NUDT21: variants seen among roughly 807,000 people sequenced by gnomAD.
NUDT21 encodes the protein nudix hydrolase 21.
Under a neutral mutation model 29.8 loss-of-function variants are expected in NUDT21, and 5 were observed. The ratio of observed to expected loss-of-function variants is 0.17; its 90% CI spans 0.09 to 0.35. The LOEUF (loss-of-function observed/expected upper bound fraction) is 0.35. NUDT21 is among the 10% of genes least tolerant of loss of function. The pLI, the probability that NUDT21 is intolerant of heterozygous loss-of-function variation, is 1.00. For synonymous variants in NUDT21, 113 were observed against 98.5 expected (o/e 1.15, Z -0.87); for missense variants, 76 against 276.0 (o/e 0.28, Z 5.13).
intron 3 of NUDT21, among the ~76,000 whole-genome samples, chr16:56,444,294 A>G (rs1256481115): frequency 6.6e-6 from 1 of 151,994 alleles, no homozygotes; most frequent in African/African-American, 2.4e-5. Context: ...TAAAAAAAAT[A>G]AGTAAGCCTA....
chr16:56,444,620 C>CAAAAAAAAAAAAAAAAAAAAAA (rs376261802), intron 3 of NUDT21, among the ~76,000 whole-genome samples: 1 of 111,030 alleles, frequency 9.0e-6, no homozygotes. Flanking sequence ...AAAACAAAAA[C>CAAAAAAAAAAAAAAAAAAAAAA]AAAAAAAAAA....
intron 1 of NUDT21, among the ~76,000 whole-genome samples, chr16:56,448,252 G>A (rs1343223630): frequency 1.3e-5 from 2 of 152,130 alleles, no homozygotes; most frequent in African/African-American, 4.8e-5. Flanking sequence ...TAAATGCTTA[G>A]AGAAATGGTT....
rs1211058520 is a variant in NUDT21, at chr16:56,451,302, G to A, written c.-100C>T. On this transcript the variant is annotated 5_prime_UTR_variant, in exon 1 of 7. Coordinates refer to ENST00000300291, the MANE Select transcript of NUDT21 (RefSeq NM_007006.3). ...ATCTGCAATCCCCTCAGCGGCTACT[G>A]CCCGCCATTAACAGGACAGCGCAAG... 8.6e-6 allele frequency: 8 copies of A among 930,956 alleles called. No homozygotes were observed. In the East Asian group the frequency reaches 1.5e-4, roughly 17 times the overall value. 57.7% of individuals were successfully genotyped at this position (930,956 alleles called of 1,614,324 possible). A position where few individuals can be genotyped will look rare whatever the true frequency, so the allele number is the denominator to read the frequency against.
Position 56,430,659 on chromosome 16 carries a change from A to G in NUDT21, c.*2053T>C, listed in dbSNP as rs1962023608. ...ACCAGATTTGATTTCCCCTAATTCTATTATTTCCATCAGAAAACCAAAAAC... is the reference window on the plus strand; with the variant it reads ...ACCAGATTTGATTTCCCCTAATTCTGTTATTTCCATCAGAAAACCAAAAAC... On this transcript the variant is annotated 3_prime_UTR_variant, in exon 7 of 7. Transcript: ENST00000300291. The G allele has an allele frequency of 6.6e-6, 1 of 152,216 alleles. No homozygotes were observed. The highest frequency in any genetic ancestry group is 1.5e-5 in the Non-Finnish European group (1 of 68,042). The allele number at this position is 152,216 out of a possible 1,614,324, so 9.4% of individuals were successfully genotyped here.
At chr16:56,450,406 C>T (rs1962278713) in intron 1 of NUDT21, among the ~76,000 whole-genome samples, 1 of 152,164 alleles carries the variant, frequency 6.6e-6, no homozygotes, top group Non-Finnish European at 1.5e-5. Flanking sequence ...CTGGTACAAA[C>T]ATTCTGGTTC....
intron 3 of NUDT21, among the ~76,000 whole-genome samples, chr16:56,440,595 T>A (rs559513159): frequency 6.6e-6 from 1 of 152,200 alleles, no homozygotes. Context: ...ATTGAAGTTA[T>A]GAGCTTTTGG....
At chr16:56,448,234 A>C (rs1962241096) in intron 1 of NUDT21, among the ~76,000 whole-genome samples, 1 of 152,180 alleles carries the variant, frequency 6.6e-6, no homozygotes, top group Non-Finnish European at 1.5e-5. Context: ...TGTAGATAAC[A>C]CTATCCTTAA....
intron 5 of NUDT21, 148 bp from the exon 6 acceptor site, chr16:56,434,593 A>G: frequency 1.3e-6 from 1 of 775,052 alleles, no homozygotes; most frequent in South Asian, 1.6e-5. Context: ...TTCAAGGTAG[A>G]TTTCCTAGCC....
At chr16:56,448,895 C>T (rs1471319121) in intron 1 of NUDT21, among the ~76,000 whole-genome samples, 1 of 152,166 alleles carries the variant, frequency 6.6e-6, no homozygotes, top group Admixed American at 6.5e-5. Flanking sequence ...GTATCTACCC[C>T]ACTCAGCCAT....
At chr16:56,450,910 T>C (rs939186058) in intron 1 of NUDT21, among the ~76,000 whole-genome samples, 177 bp downstream of exon 1, 20 of 152,112 alleles carry the variant, frequency 1.3e-4, no homozygotes, top group Admixed American at 1.3e-3. Flanking sequence ...ACTCTAACCC[T>C]GGAGGCTGGA....
intron 4 of NUDT21, among the ~76,000 whole-genome samples, chr16:56,437,021 A>G (rs1962111817): frequency 6.6e-6 from 1 of 152,212 alleles, no homozygotes; most frequent in South Asian, 2.1e-4. Flanking sequence ...AGCCAAAAAA[A>G]AGTTTAGAAT....
intron 6 of NUDT21, 119 bp downstream of exon 6, chr16:56,434,212 C>T (rs1962068175): frequency 1.0e-5 from 7 of 680,592 alleles, no homozygotes; most frequent in South Asian, 8.2e-5. Flanking sequence ...AAGAGTCTAT[C>T]TACTTTCTTA....
chr16:56,451,048 T>A (rs771625415), intron 1 of NUDT21, 39 bp downstream of exon 1: 3 of 1,569,298 alleles, frequency 1.9e-6, no homozygotes, highest in Non-Finnish European at 1.8e-6. Flanking sequence ...ATAGGAGCTT[T>A]CACGAGAGAA....
intron 3 of NUDT21, among the ~76,000 whole-genome samples, chr16:56,444,384 G>A (rs1169915997): frequency 1.3e-5 from 2 of 152,166 alleles, no homozygotes; most frequent in East Asian, 1.9e-4. Flanking sequence ...AGGAGTTCGA[G>A]ACCAACCTGG....
At chr16:56,448,386 ATGGG>A (rs1473698419) in intron 1 of NUDT21, among the ~76,000 whole-genome samples, 1 of 152,196 alleles carries the variant, frequency 6.6e-6, no homozygotes, top group Non-Finnish European at 1.5e-5. Context: ...AGTTTTAATT[ATGGG>A]TGCTAATGGC....
At chr16:56,446,388 G>C in intron 3 of NUDT21, 1 of 443,498 alleles carries the variant, frequency 2.3e-6, no homozygotes, top group South Asian at 3.3e-5. Flanking sequence ...GTCTAGCACA[G>C]TAATACTTAA....
At chr16:56,439,594 G>T in intron 4 of NUDT21, 63 bp downstream of exon 4, 2 of 1,025,734 alleles carry the variant, frequency 1.9e-6, no homozygotes, top group Non-Finnish European at 3.0e-6. Context: ...CTTTTTTAAA[G>T]TGGCTAGAAT....
intron 4 of NUDT21, chr16:56,435,116 G>T (rs1962081831): frequency 1.4e-5 from 3 of 213,690 alleles, no homozygotes; most frequent in South Asian, 1.5e-4. Context: ...TTTAATAAAA[G>T]CTTTTTTTTG....
At chr16:56,436,428 G>A (rs887677833) in intron 4 of NUDT21, among the ~76,000 whole-genome samples, 23 of 152,148 alleles carry the variant, frequency 1.5e-4, no homozygotes, top group Non-Finnish European at 2.5e-4. Context: ...ATTTCCCACT[G>A]TGTTACTCAT....
Sources: allele counts gnomAD v4.1 joint callset (sites outside exome capture counted in the v4.1 genomes callset), GRCh38; gene constraint gnomAD v4.1.1; transcripts MANE v1.5; gene names NCBI Gene and HGNC (gene_info 2026-07-23, HGNC 2026-07-21).